PAN2: variants seen among roughly 807,000 people sequenced by gnomAD.
PAN2 encodes PAN2-PAN3 deadenylation complex catalytic subunit PAN2.
Under a neutral mutation model 133.3 loss-of-function variants are expected in PAN2, and 68 were observed. The observed-to-expected ratio is 0.51, with a 90% CI of 0.42 to 0.62. The LOEUF is 0.62. Ranked by LOEUF, PAN2 falls within the 20% of genes least tolerant of loss-of-function variation. PAN2 has a pLI of 0.00. For synonymous variants in PAN2, 462 were observed against 544.6 expected, an observed-to-expected ratio of 0.85 and a Z score of 2.11; for missense variants, 1,042 against 1,500.5, an observed-to-expected ratio of 0.69 and a Z score of 5.05.
chr12:56,324,209 T>C (rs747843143), intron 12 of PAN2, 24 bp from the exon 13 acceptor site: 1 of 1,612,984 alleles, frequency 6.2e-7, no homozygotes, highest in Non-Finnish European at 8.5e-7. Context: ...GGATGATATA[T>C]GCACATTGAG....
intron 10 of PAN2, 79 bp downstream of exon 10, chr12:56,324,930 G>GGTAAA (rs1023873926): frequency 6.5e-7 from 1 of 1,541,066 alleles, no homozygotes; most frequent in Non-Finnish European, 8.8e-7. Flanking sequence ...GAGGAGACCT[G>GGTAAA]GAAAGAGCAG....
intron 20 of PAN2, among the ~76,000 whole-genome samples, chr12:56,321,192 C>T (rs1263803295): frequency 6.6e-6 from 1 of 151,706 alleles, no homozygotes; most frequent in Non-Finnish European, 1.5e-5. Flanking sequence ...TCTCCAATAG[C>T]TGGGACCACA....
chr12:56,327,059 G>C (rs1282621712), intron 6 of PAN2, 100 bp from the exon 7 acceptor site: 7 of 1,023,054 alleles, frequency 6.8e-6, no homozygotes, highest in Non-Finnish European at 9.9e-6. Context: ...GACAAGATGG[G>C]CCCCAAATCC....
intron 18 of PAN2, 34 bp from the exon 19 acceptor site, chr12:56,322,516 A>G: frequency 6.2e-7 from 1 of 1,611,892 alleles, no homozygotes; most frequent in South Asian, 1.1e-5. Context: ...GTGGCGATAC[A>G]AATTGATGGC....
In PAN2 at chr12:56,322,765, G is replaced by T. The variant is rs369309492; in HGVS notation, c.2494-7C>A. The T allele has an allele frequency of 2.5e-6, 4 of 1,610,166 alleles. No homozygotes were observed. The highest frequency in any genetic ancestry group is 1.3e-5 in the African/African-American group (1 of 74,866). ...CTGCCCTGGCTGGGCCCCACTGTGA[G>T]GGGGGTACCCAGGCTGCTAAGCTAA... On this transcript the variant is annotated splice_region_variant and splice_polypyrimidine_tract_variant and intron_variant, in intron 17 of 25. Coordinates refer to ENST00000440411, the MANE Select transcript of PAN2 (RefSeq NM_014871.6).
chr12:56,323,178 C>G lies in PAN2; in HGVS notation c.2377G>C (p.Val793Leu), dbSNP rs1234283391. Reference protein sequence around the residue: ...KELGSPEGVLVCPSIEELKNV... With the variant: ...KELGSPEGVLLCPSIEELKNV... ...TTCAACTCCTCAATGGAGGGACACA[C>G]CAGCACACCCTCTGGACTCCCTAGT... The change falls in exon 17 of 26, where the codon GTG becomes CTG. Residue 793 changes from valine (V) to leucine (L), a missense_variant. This residue lies in a region of PAN2 where 908 missense variants were observed against 1,223.5 expected (regional missense o/e 0.74). Transcript: ENST00000440411. 1 of 1,614,062 alleles carries G rather than the reference C, an allele frequency of 6.2e-7. No homozygotes were observed. Among genetic ancestry groups the G allele is most frequent in the African/African-American group, 1.3e-5 (1 of 74,908 alleles).
rs1283126254 is a variant in PAN2 at position 56,320,793 on chromosome 12, T to C, written c.2789-772A>G. ...TAAGACAGGGTCTCAGGCTGGGCAC[T>C]GTGGCTCACGCCTGTAAACCCAGCA... On this transcript the variant is annotated intron_variant, in intron 20 of 25. Coordinates refer to ENST00000440411, the MANE Select transcript of PAN2 (RefSeq NM_014871.6). Among the ~76,000 whole-genome samples, 5 of 143,140 alleles carry C rather than the reference T, an allele frequency of 3.5e-5. No individual in the cohort carries two copies. The East Asian group carries it at 8.5e-4, about 24-fold the overall frequency. 93.9% of individuals were successfully genotyped at this position (143,140 alleles called of 152,430 possible). A position where few individuals can be genotyped will look rare whatever the true frequency, so the allele number is the denominator to read the frequency against.
rs1184588435 is a variant in PAN2 at position 56,332,859 on chromosome 12, G to A, written c.236C>T (p.Ser79Phe). ...CATCTCCTCGTGCAAGTCAAAGTGG[G>A]AGACGGAAACAGGTACACCCACTTC... Reference protein sequence around the residue: ...VAEVGVPVSVSHFDLHEEMLW... With the variant: ...VAEVGVPVSVFHFDLHEEMLW... The change falls in exon 2 of 26, where the codon TCC becomes TTC. Residue 79 changes from serine to phenylalanine, a missense_variant. Around this residue, in one of 3 missense-constraint regions of PAN2, gnomAD observed 908 missense variants for 1,223.5 expected, o/e 0.74. Coordinates refer to ENST00000440411, the MANE Select transcript of PAN2 (RefSeq NM_014871.6). The A allele has an allele frequency of 1.4e-5, 23 of 1,614,218 alleles. No individual in the cohort carries two copies. The highest frequency in any genetic ancestry group is 2.2e-5 in the East Asian group (1 of 44,888).
chr12:56,322,362 AAAGAT>A, intron 19 of PAN2, 56 bp downstream of exon 19: 1 of 1,394,164 alleles, frequency 7.2e-7, no homozygotes, highest in South Asian at 1.2e-5. Flanking sequence ...ATAGAGCCCT[AAAGAT>A]AAGGATGCTA....
At chr12:56,324,888 G>A in intron 10 of PAN2, 121 bp downstream of exon 10, 1 of 1,394,050 alleles carries the variant, frequency 7.2e-7, no homozygotes, top group African/African-American at 1.4e-5. Context: ...AGAAAGAATT[G>A]TAGAGGAGAC....
At position 56,328,584 on chromosome 12, in the gene PAN2, T is replaced by A. The variant is rs772655729; in HGVS notation, c.340A>T (p.Asn114Tyr). Residue 114 changes from asparagine (N) to tyrosine (Y), a missense_variant, in exon 3 of 26, where the codon AAT (asparagine) becomes TAT (tyrosine). Physicochemically the swap from Asn to Tyr is moderately radical, Grantham distance 143. Coordinates refer to ENST00000440411, the MANE Select transcript of PAN2 (RefSeq NM_014871.6). ...ALERYSSFQV[N>Y]GSDDIRQIQS... ...ATCTGCCGAATATCATCACTGCCAT[T>A]GACTTGAAAGGATGAGTAGCGCTCC... The A allele has an allele frequency of 6.2e-7, 1 of 1,614,188 alleles. No homozygotes were observed. Among genetic ancestry groups the A allele is most frequent in the Non-Finnish European group, 8.5e-7 (1 of 1,180,016 alleles).
intron 20 of PAN2, among the ~76,000 whole-genome samples, chr12:56,320,448 C>T (rs1464295626): frequency 6.6e-6 from 1 of 151,646 alleles, no homozygotes; most frequent in Non-Finnish European, 1.5e-5. Context: ...GACCAGCCTG[C>T]CCAACATGGT....
rs534478366 is a variant in PAN2 at position 56,328,749 on chromosome 12, C to T, written c.283-108G>A. The T allele has an allele frequency of 4.6e-5, 39 of 842,674 alleles. 1 individual carries two copies. Among genetic ancestry groups the T allele is most frequent in the South Asian group, 3.0e-4 (17 of 57,054 alleles). The allele number at this position is 842,674 out of a possible 1,614,324, so 52.2% of individuals were successfully genotyped here. A position where few individuals can be genotyped will look rare whatever the true frequency, so the allele number is the denominator to read the frequency against. On this transcript the variant is annotated intron_variant, in intron 2 of 25. Transcript: ENST00000440411. Reference sequence around the variant, plus strand: ...TCAGCTTGGATCCTTTCTTGCTTGGCCTTTGTGACTAGGAGCAACTGGGGC... The same window carrying T: ...TCAGCTTGGATCCTTTCTTGCTTGGTCTTTGTGACTAGGAGCAACTGGGGC...
intron 2 of PAN2, among the ~76,000 whole-genome samples, chr12:56,329,123 T>A (rs1048919972): frequency 2.0e-5 from 3 of 152,216 alleles, no homozygotes; most frequent in Admixed American, 1.3e-4. Flanking sequence ...ACCAAGAAGA[T>A]GATGGTAACT....
chr12:56,327,646 T>A lies in PAN2; in HGVS notation c.652-15A>T, dbSNP rs765719706. ...CTCAGGGAAACCTAGAAAAAAAAAA[T>A]TCAGTTATCTGCAAATTCTGTTATC... is the stretch of plus-strand genomic sequence containing the variant. On this transcript the variant is annotated splice_polypyrimidine_tract_variant and intron_variant, in intron 5 of 25. Transcript: ENST00000440411. The A allele has an allele frequency of 6.2e-7, 1 of 1,608,852 alleles. No individual in the cohort carries two copies. Among genetic ancestry groups the A allele is most frequent in the Non-Finnish European group, 8.5e-7 (1 of 1,176,652 alleles).
chr12:56,333,222 G>C lies in PAN2; in HGVS notation c.-114-14C>G. 1 of 952,532 alleles carries C rather than the reference G, an allele frequency of 1.0e-6. No individual in the cohort carries two copies. The highest frequency in any genetic ancestry group is 1.6e-5 in the African/African-American group (1 of 61,302). 59.0% of individuals were successfully genotyped at this position (952,532 alleles called of 1,614,324 possible). A position where few individuals can be genotyped will look rare whatever the true frequency, so the allele number is the denominator to read the frequency against. On this transcript the variant is annotated splice_polypyrimidine_tract_variant and intron_variant, in intron 1 of 25. Coordinates refer to ENST00000440411, the MANE Select transcript of PAN2 (RefSeq NM_014871.6). ...GGACATCCTGGCCTGTAAGGGGAAA[G>C]AGGTAGCTGAGTCAAGGGTAGGCCC...
In PAN2 at chr12:56,319,484, C is replaced by A; in HGVS notation, c.3094G>T (p.Val1032Leu). ...CCCGAGTATTGAGTCAAGTAATCCA[C>A]CACCTAGGAATAGAGAAAAGGACAA... ...DDYISTQEQV[V>L]DYLTQYSGIK... is the part of the protein sequence containing the mutation. The change falls in exon 23 of 26, where the codon GTG (valine) becomes TTG (leucine). Residue 1032 changes from valine to leucine, a missense_variant. Val to Leu is a conservative substitution (Grantham distance 32). This residue lies in a region of PAN2 where 49 missense variants were observed against 160.5 expected (regional missense o/e 0.31). Coordinates refer to ENST00000440411, the MANE Select transcript of PAN2 (RefSeq NM_014871.6). This position sits in a 1 kb window ranked among gnomAD's most constrained non-coding sequence, Gnocchi z 5.4. The A allele has an allele frequency of 6.2e-7, 1 of 1,612,586 alleles. No homozygotes were observed.
intron 25 of PAN2, 27 bp downstream of exon 25, chr12:56,318,210 T>C (rs1262433678): frequency 3.2e-6 from 5 of 1,587,184 alleles, no homozygotes; most frequent in Non-Finnish European, 4.3e-6. Context: ...CCCAGTCCAG[T>C]TTCCCTTGTC....
chr12:56,320,516 T>C (rs753878818), intron 20 of PAN2, among the ~76,000 whole-genome samples: 12 of 152,060 alleles, frequency 7.9e-5, no homozygotes, highest in Middle Eastern at 3.4e-3. Context: ...TGGTGGCACA[T>C]GCCTGTAATC....
Sources: allele counts gnomAD v4.1 joint callset (sites outside exome capture counted in the v4.1 genomes callset), GRCh38; gene constraint gnomAD v4.1.1; regional missense constraint gnomAD v4.1.1; non-coding constraint Gnocchi (gnomAD v3.1); transcripts MANE v1.5; gene names NCBI Gene and HGNC (gene_info 2026-07-23, HGNC 2026-07-21).